Variants in DLC1 observed in about 807,000 individuals in gnomAD.
DLC1 encodes rho GTPase-activating protein 7.
DLC1 carries 54 observed loss-of-function variants against 140.3 expected under a neutral mutation model. That is an observed-to-expected ratio of 0.38 (90% CI 0.31 to 0.48). The LOEUF is 0.48. Among genes scored for constraint, DLC1 ranks in the 20% least tolerant of loss-of-function variants. The pLI, the probability that DLC1 is intolerant of heterozygous loss-of-function variation, is 0.96. For synonymous variants in DLC1, 986 were observed against 728.1 expected, an observed-to-expected ratio of 1.35 and a Z score of -5.70; for missense variants, 2,536 against 1,907.0, an observed-to-expected ratio of 1.33 and a Z score of -6.14.
intron 1 of DLC1, among the ~76,000 whole-genome samples, chr8:13,541,005 C>G (rs576647649): frequency 1.3e-3 from 193 of 152,340 alleles, no homozygotes; most frequent in African/African-American, 4.4e-3. Flanking sequence ...ATCATAGGAA[C>G]TATTTAACCA....
chr8:13,322,954 G>C (rs953335113), intron 4 of DLC1, among the ~76,000 whole-genome samples: 3 of 152,164 alleles, frequency 2.0e-5, no homozygotes, highest in Non-Finnish European at 4.4e-5. Context: ...GCTGGGGAAA[G>C]CTAGCAGCCA....
At chr8:13,117,007 A>C (rs1475567438) in intron 5 of DLC1, among the ~76,000 whole-genome samples, 1 of 152,266 alleles carries the variant, frequency 6.6e-6, no homozygotes, top group Non-Finnish European at 1.5e-5. Flanking sequence ...ATAAAAGTGT[A>C]GAATTGTCCA....
At chr8:13,174,168 A>G (rs1825639573) in intron 5 of DLC1, among the ~76,000 whole-genome samples, 1 of 152,158 alleles carries the variant, frequency 6.6e-6, no homozygotes, top group Non-Finnish European at 1.5e-5. Flanking sequence ...CAGCTGCATC[A>G]TCCATGTTGC....
chr8:13,236,983 C>T (rs1318511252), intron 5 of DLC1, among the ~76,000 whole-genome samples: 1 of 151,954 alleles, frequency 6.6e-6, no homozygotes, highest in Non-Finnish European at 1.5e-5. Context: ...TTTCAGATTA[C>T]AAATTTCTCT....
chr8:13,319,372 T>G (rs1832992212), intron 4 of DLC1, among the ~76,000 whole-genome samples: 1 of 152,032 alleles, frequency 6.6e-6, no homozygotes, highest in Admixed American at 6.6e-5. Context: ...CATTATCATC[T>G]GTTTCTTCCC....
intron 5 of DLC1, among the ~76,000 whole-genome samples, chr8:13,227,040 A>G (rs1677194637): frequency 1.3e-5 from 2 of 152,078 alleles, no homozygotes; most frequent in South Asian, 4.2e-4. Flanking sequence ...TGTGTATGGT[A>G]TAGGGGGCGG....
intron 4 of DLC1, among the ~76,000 whole-genome samples, chr8:13,313,790 T>C (rs921121089): frequency 2.0e-5 from 3 of 152,232 alleles, no homozygotes; most frequent in Non-Finnish European, 4.4e-5. Flanking sequence ...AAAACATTTT[T>C]GTTTTTTTTC....
intron 5 of DLC1, among the ~76,000 whole-genome samples, chr8:13,174,383 T>C (rs1335528685): frequency 1.3e-5 from 2 of 152,170 alleles, no homozygotes; most frequent in Non-Finnish European, 2.9e-5. Flanking sequence ...ATATACCCAG[T>C]AGTGGGATTG....
chr8:13,123,749 T>C (rs1821320317), intron 5 of DLC1, among the ~76,000 whole-genome samples: 1 of 152,226 alleles, frequency 6.6e-6, no homozygotes, highest in Admixed American at 6.5e-5. Context: ...AAGGGCAAGC[T>C]TCTTTGTCCA....
intron 7 of DLC1, among the ~76,000 whole-genome samples, chr8:13,110,391 AC>A (rs760991249): frequency 6.6e-6 from 1 of 151,970 alleles, no homozygotes; most frequent in Non-Finnish European, 1.5e-5. Flanking sequence ...TTTATATGCC[AC>A]CCCCCATTTA....
intron 2 of DLC1, among the ~76,000 whole-genome samples, chr8:13,404,983 G>T (rs1837459382): frequency 6.6e-6 from 1 of 151,970 alleles, no homozygotes; most frequent in Non-Finnish European, 1.5e-5. Flanking sequence ...CTCCAGCATG[G>T]GCAATGAGAG....
chr8:13,363,486 G>T (rs927820078), intron 4 of DLC1, among the ~76,000 whole-genome samples: 3 of 151,856 alleles, frequency 2.0e-5, no homozygotes, highest in Non-Finnish European at 4.4e-5. Flanking sequence ...CATAAAGCTG[G>T]TGACAGAAGT....
intron 5 of DLC1, among the ~76,000 whole-genome samples, chr8:13,163,044 G>A (rs1364578210): frequency 6.6e-6 from 1 of 152,092 alleles, no homozygotes; most frequent in African/African-American, 2.4e-5. Flanking sequence ...TCTAAGTAGG[G>A]CTTTGAGACA....
At chr8:13,211,941 T>A (rs181396053) in intron 5 of DLC1, among the ~76,000 whole-genome samples, 1 of 152,136 alleles carries the variant, frequency 6.6e-6, no homozygotes, top group African/African-American at 2.4e-5. Context: ...ACAACTCCTA[T>A]GTCAAATGTT....
intron 1 of DLC1, among the ~76,000 whole-genome samples, chr8:13,535,496 T>C (rs1323073260): frequency 6.6e-6 from 1 of 151,622 alleles, no homozygotes; most frequent in Non-Finnish European, 1.5e-5. Flanking sequence ...CTCCAGAAAA[T>C]GTTGACAAGG....
chr8:13,588,160 G>T (rs973853959), intron 1 of DLC1, among the ~76,000 whole-genome samples: 4 of 152,004 alleles, frequency 2.6e-5, no homozygotes, highest in Admixed American at 2.6e-4. Context: ...TACTTTTGAA[G>T]GCCCGAAATT....
At chr8:13,423,559 A>G (rs566107660) in intron 2 of DLC1, among the ~76,000 whole-genome samples, 1 of 152,188 alleles carries the variant, frequency 6.6e-6, no homozygotes, top group Non-Finnish European at 1.5e-5. Context: ...AAGAAGTATT[A>G]GTATCTTCAG....
chr8:13,195,712 C>A (rs922910467), intron 5 of DLC1, among the ~76,000 whole-genome samples: 1 of 152,112 alleles, frequency 6.6e-6, no homozygotes, highest in African/African-American at 2.4e-5. Flanking sequence ...TAACATAGCT[C>A]CTTAGAGATG....
At chr8:13,120,664 G>T (rs1820986204) in intron 5 of DLC1, among the ~76,000 whole-genome samples, 1 of 152,054 alleles carries the variant, frequency 6.6e-6, no homozygotes, top group South Asian at 2.1e-4. Flanking sequence ...TTATACCTGG[G>T]TTTTCTCTAA....
Sources: allele counts gnomAD v4.1 joint callset (sites outside exome capture counted in the v4.1 genomes callset), GRCh38; gene constraint gnomAD v4.1.1; transcripts MANE v1.5; gene names NCBI Gene and HGNC (gene_info 2026-07-23, HGNC 2026-07-21).